FRMD6: variants seen among roughly 807,000 people sequenced by gnomAD.
FRMD6 encodes FERM domain-containing protein 6.
A neutral mutation model predicts 73.2 loss-of-function variants in FRMD6; 37 were observed. That is an observed-to-expected ratio of 0.51 (90% CI 0.39 to 0.66). The LOEUF (loss-of-function observed/expected upper bound fraction) is 0.66, where lower values mean the gene tolerates loss of function less well. FRMD6 is among the 30% of genes least tolerant of loss of function. The pLI is 0.00. For missense variants in FRMD6, 714 were observed against 780.5 expected (o/e 0.91, Z 1.02); for synonymous variants, 273 against 282.2 (o/e 0.97, Z 0.33).
intron 2 of FRMD6, among the ~76,000 whole-genome samples, chr14:51,607,092 G>T (rs1331004636): frequency 6.6e-6 from 1 of 151,994 alleles, no homozygotes. Flanking sequence ...CTCCCCTGAG[G>T]CCCACATGCT....
At chr14:51,397,956 C>T in the FRMD6 span, among the ~76,000 whole-genome samples, 1 of 152,030 alleles carries the variant, frequency 6.6e-6, no homozygotes, top group African/African-American at 2.4e-5. Context: ...ATCTGAAACA[C>T]TTCTGGTCCC....
chr14:51,592,662 G>C (rs1889462990), intron 2 of FRMD6, among the ~76,000 whole-genome samples: 1 of 152,056 alleles, frequency 6.6e-6, no homozygotes, highest in East Asian at 1.9e-4. Context: ...GAATCTAGAG[G>C]CTCCTAAATC....
chr14:51,698,074 C>T (rs1238933700), intron 2 of FRMD6, 68 bp from the exon 3 acceptor site: 6 of 1,103,000 alleles, frequency 5.4e-6, no homozygotes, highest in Admixed American at 1.8e-5. Flanking sequence ...CATTAAATTG[C>T]CTGATTGTGG....
rs760480384 is a variant in FRMD6 at position 51,704,975 on chromosome 14, G to T, written c.558+40G>T. The T allele has an allele frequency of 3.9e-6, 6 of 1,558,332 alleles. No homozygotes were observed. In the African/African-American group the frequency reaches 8.2e-5, roughly 21 times the overall value. Reference sequence around the variant, plus strand: ...CAAATTCGAAAGAGTGTTTTCTCTCGGGCATTTCTAGTTCGTAGTGTTGCT... The same window carrying T: ...CAAATTCGAAAGAGTGTTTTCTCTCTGGCATTTCTAGTTCGTAGTGTTGCT... On this transcript the variant is annotated intron_variant, in intron 6 of 13. Coordinates refer to ENST00000344768, the MANE Select transcript of FRMD6 (RefSeq NM_001267046.2).
At position 51,660,613 on chromosome 14, in the gene FRMD6, G is replaced by GAAAA. The variant is rs10605746; in HGVS notation, c.-147+8632_-147+8635dup. ...AGAGATGTCAGTGAATAAAATAAAG[G>GAAAA]AAAAAAAAAAAAAAAAAATTCTGCC... On this transcript the variant is annotated intron_variant, in intron 1 of 13. Transcript: ENST00000344768. Among the ~76,000 whole-genome samples the GAAAA allele has an allele frequency of 5.7e-5, 8 of 139,564 alleles. 1 individual carries two copies. The highest frequency in any genetic ancestry group is 2.3e-4 in the South Asian group (1 of 4,404). 91.6% of individuals were successfully genotyped at this position (139,564 alleles called of 152,430 possible). A position where few individuals can be genotyped will look rare whatever the true frequency, so the allele number is the denominator to read the frequency against.
rs35072700 is a variant in FRMD6, at chr14:51,557,245, CATATATAT to C, written c.-209-13087_-209-13080del. Among the ~76,000 whole-genome samples the C allele has an allele frequency of 4.7e-4, 70 of 149,832 alleles. 1 individual carries two copies. The highest frequency in any genetic ancestry group is 1.6e-3 in the African/African-American group (67 of 40,884). ...TCCATCAATGGATGAGAAAATGTGACATATATATATATATATATATATACACACATACA... is the reference window on the plus strand; with the variant it reads ...TCCATCAATGGATGAGAAAATGTGACATATATATATATATACACACATACA... On this transcript the variant is annotated intron_variant, in intron 1 of 14. Transcript: ENST00000356218.
intron 12 of FRMD6, among the ~76,000 whole-genome samples, chr14:51,725,483 C>T (rs983789070): frequency 1.3e-5 from 2 of 152,186 alleles, no homozygotes; most frequent in African/African-American, 4.8e-5. Context: ...ATAGTCTTTG[C>T]TTCTTTTCTA....
the FRMD6 span, among the ~76,000 whole-genome samples, chr14:51,412,853 A>AAAAATAAAATAAAATAAAATAAAAT: frequency 6.6e-6 from 1 of 152,044 alleles, no homozygotes; most frequent in South Asian, 2.1e-4. Flanking sequence ...TTCTGTCTAA[A>AAAAATAAAATAAAATAAAATAAAAT]AAAATAAAAT....
At chr14:51,501,632 G>T (rs1160757943) in intron 1 of FRMD6, among the ~76,000 whole-genome samples, 1 of 152,066 alleles carries the variant, frequency 6.6e-6, no homozygotes, top group Non-Finnish European at 1.5e-5. Flanking sequence ...TGGGCATTTA[G>T]GTTGATTCCA....
intron 1 of FRMD6, chr14:51,546,945 G>A (rs990657813): frequency 6.6e-6 from 1 of 151,546 alleles, no homozygotes; most frequent in Non-Finnish European, 1.5e-5. Flanking sequence ...CTCCTGCCAG[G>A]CAAAGTTCAA....
At chr14:51,412,618 G>A in the FRMD6 span, among the ~76,000 whole-genome samples, 1 of 152,086 alleles carries the variant, frequency 6.6e-6, no homozygotes, top group Admixed American at 6.6e-5. Context: ...TTGGGAGGCC[G>A]AGGCGGGTGG....
chr14:51,403,568 T>C, the FRMD6 span, among the ~76,000 whole-genome samples: 2 of 152,044 alleles, frequency 1.3e-5, no homozygotes, highest in East Asian at 1.9e-4. Context: ...GCACAGCTAA[T>C]TTTTTGTATT....
chr14:51,704,683 G>A (rs2140470128), intron 5 of FRMD6, 66 bp from the exon 6 acceptor site: 2 of 1,345,794 alleles, frequency 1.5e-6, no homozygotes, highest in Non-Finnish European at 2.1e-6. Flanking sequence ...AAGGATTTGG[G>A]TTCTGTTTAC....
At chr14:51,727,683 T>C in intron 13 of FRMD6, 62 bp from the exon 14 acceptor site, 1 of 1,486,948 alleles carries the variant, frequency 6.7e-7, no homozygotes, top group Non-Finnish European at 9.1e-7. Context: ...GCATCTCTCT[T>C]TACAAGGCAA....
intron 1 of FRMD6, among the ~76,000 whole-genome samples, chr14:51,680,199 T>G (rs1324907153): frequency 6.6e-6 from 1 of 152,194 alleles, no homozygotes; most frequent in African/African-American, 2.4e-5. Flanking sequence ...CTGTTCAGTC[T>G]GAGTTTGCAT....
intron 2 of FRMD6, among the ~76,000 whole-genome samples, chr14:51,586,640 T>C (rs146161518): frequency 3.4e-3 from 511 of 152,302 alleles, no homozygotes; most frequent in Non-Finnish European, 5.4e-3. Flanking sequence ...TGCTAAAAAA[T>C]TATTTGCCTT....
intron 2 of FRMD6, among the ~76,000 whole-genome samples, chr14:51,626,181 G>C (rs144260193): frequency 2.6e-5 from 4 of 152,206 alleles, no homozygotes; most frequent in Non-Finnish European, 4.4e-5. Flanking sequence ...CAGGGACATG[G>C]ATGGAGCTGG....
intron 2 of FRMD6, among the ~76,000 whole-genome samples, chr14:51,603,486 T>A (rs1451877897): frequency 1.3e-5 from 2 of 152,174 alleles, no homozygotes; most frequent in African/African-American, 4.8e-5. Flanking sequence ...TGGTTTACAG[T>A]GAACAAATAC....
chr14:51,603,369 C>A (rs961388404), intron 2 of FRMD6, among the ~76,000 whole-genome samples: 1 of 152,016 alleles, frequency 6.6e-6, no homozygotes, highest in Non-Finnish European at 1.5e-5. Context: ...ATGTTTCAAT[C>A]AAAAATATCA....
Sources: gnomAD v4.1 joint callset for allele counts (sites outside exome capture counted in the v4.1 genomes callset) on GRCh38, gnomAD v4.1.1 for gene constraint, MANE v1.5 for transcripts, NCBI Gene and HGNC (gene_info 2026-07-23, HGNC 2026-07-21) for gene names.